Variants in LIPA observed in about 807,000 individuals in gnomAD.
The protein encoded by LIPA is lipase A, lysosomal acid type.
LIPA carries 26 observed loss-of-function variants against 40.6 expected under a neutral mutation model. That is an observed-to-expected ratio of 0.64 (90% CI 0.47 to 0.89). The LOEUF is 0.89. Among genes scored for constraint, LIPA ranks in the 40% least tolerant of loss-of-function variants. The pLI, the probability that LIPA is intolerant of heterozygous loss-of-function variation, is 0.00. For missense variants in LIPA, 455 were observed against 479.6 expected, an observed-to-expected ratio of 0.95 and a Z score of 0.48; for synonymous variants, 188 against 168.4, an observed-to-expected ratio of 1.12 and a Z score of -0.90.
chr10:89,221,718 G>GA (rs1424315935), intron 8 of LIPA, among the ~76,000 whole-genome samples: 1 of 152,086 alleles, frequency 6.6e-6, no homozygotes, highest in African/African-American at 2.4e-5. Flanking sequence ...ATTGTCAGGT[G>GA]AAAAAAGAAA....
chr10:89,404,144 C>T (rs749776654), intron 2 of LIPA: 1 of 153,418 alleles, frequency 6.5e-6, no homozygotes, highest in Non-Finnish European at 1.4e-5. Context: ...TCATTATATT[C>T]CCTCCCTTGC....
intron 1 of LIPA, among the ~76,000 whole-genome samples, chr10:89,311,249 G>A (rs764953421): frequency 2.0e-5 from 3 of 152,074 alleles, no homozygotes; most frequent in African/African-American, 7.2e-5. Context: ...CTGGCTGGGC[G>A]TGGTGGCTCA....
intron 1 of LIPA, among the ~76,000 whole-genome samples, chr10:89,269,163 A>G (rs1177275265): frequency 6.7e-6 from 1 of 149,372 alleles, no homozygotes; most frequent in African/African-American, 2.5e-5. Context: ...CGTCTCTACT[A>G]AAAAATACAA....
chr10:89,372,526 T>A (rs1248030608), intron 2 of LIPA, among the ~76,000 whole-genome samples: 1 of 152,258 alleles, frequency 6.6e-6, no homozygotes, highest in Non-Finnish European at 1.5e-5. Context: ...ATCTGTCTCC[T>A]GCTACATGAC....
chr10:89,378,179 C>G (rs765970465), intron 2 of LIPA: 49 of 1,610,882 alleles, frequency 3.0e-5, no homozygotes, highest in Admixed American at 5.0e-5. Flanking sequence ...TATTTCTGCA[C>G]ACTTTGAAAT....
chr10:89,361,057 C>T (rs1351561032), intron 2 of LIPA, among the ~76,000 whole-genome samples: 2 of 152,108 alleles, frequency 1.3e-5, no homozygotes, highest in African/African-American at 4.8e-5. Context: ...ATTGGGTTAG[C>T]GTCCTCCCAA....
At chr10:89,307,347 C>T (rs777023518) in intron 1 of LIPA, 2 of 1,604,614 alleles carry the variant, frequency 1.2e-6, no homozygotes, top group East Asian at 4.5e-5. Context: ...AGCCTCATCC[C>T]TTCAGCATCA....
At chr10:89,349,163 A>T (rs985556093) in intron 2 of LIPA, among the ~76,000 whole-genome samples, 10 of 152,202 alleles carry the variant, frequency 6.6e-5, no homozygotes, top group African/African-American at 2.2e-4. Flanking sequence ...AGGGAATCTT[A>T]TCAACCAGGA....
chr10:89,247,487 G>A, intron 2 of LIPA, 51 bp downstream of exon 2: 1 of 1,070,738 alleles, frequency 9.3e-7, no homozygotes, highest in Non-Finnish European at 1.4e-6. Flanking sequence ...TCACATAACT[G>A]GATCGGGGAA....
Position 89,376,187 on chromosome 10 carries a change from TAAAAAAAAAAAA to T in LIPA, c.61+36592_61+36603del, listed in dbSNP as rs66954730. ...TAGGTGATACAGCGAGACTCTATCT[TAAAAAAAAAAAA>T]AAAAAAAAAAGAAGAAGAAGTCAAG... On this transcript the variant is annotated intron_variant, in intron 2 of 8. Coordinates refer to the LIPA transcript ENST00000371837. Among the ~76,000 whole-genome samples, 24 of 102,530 alleles carry T rather than the reference TAAAAAAAAAAAA, an allele frequency of 2.3e-4. No individual in the cohort carries two copies. In the South Asian group the frequency reaches 8.8e-3, roughly 37 times the overall value. The allele number at this position is 102,530 out of a possible 152,430, so 67.3% of individuals were successfully genotyped here.
rs1173778270 is a variant in LIPA, at chr10:89,289,988, TA to T, written c.-1-42340del. On this transcript the variant is annotated intron_variant, in intron 1 of 5. Coordinates refer to the LIPA transcript ENST00000282673. Reference sequence around the variant, plus strand: ...GCTGAGGCCTTGACTTACTCACTGCTAAAAAAAAAGGGTGGGGGGGACTCTG... The same window carrying T: ...GCTGAGGCCTTGACTTACTCACTGCTAAAAAAAAGGGTGGGGGGGACTCTG... 2.8e-4 allele frequency among the ~76,000 whole-genome samples: 30 copies of T among 108,656 alleles called. No homozygotes were observed. The East Asian group carries it at 5.8e-3, about 21-fold the overall frequency. The allele number at this position is 108,656 out of a possible 152,430, so 71.3% of individuals were successfully genotyped here.
intron 1 of LIPA, among the ~76,000 whole-genome samples, chr10:89,319,905 G>C (rs1018475350): frequency 8.5e-5 from 13 of 152,128 alleles, no homozygotes; most frequent in Non-Finnish European, 1.8e-4. Context: ...ATGCAAGGCT[G>C]GTTCAACATA....
intron 3 of LIPA, among the ~76,000 whole-genome samples, chr10:89,229,901 C>T (rs1842820322): frequency 6.6e-6 from 1 of 152,054 alleles, no homozygotes; most frequent in Admixed American, 6.5e-5. Context: ...AATCTCTGTA[C>T]CTTCCACTCA....
chr10:89,384,611 A>G, intron 2 of LIPA: 1 of 1,614,206 alleles, frequency 6.2e-7, no homozygotes, highest in Non-Finnish European at 8.5e-7. Flanking sequence ...ATTCACCAGA[A>G]TGTACGGGTT....
intron 2 of LIPA, among the ~76,000 whole-genome samples, chr10:89,375,179 C>T (rs546343449): frequency 3.9e-5 from 6 of 152,202 alleles, no homozygotes; most frequent in African/African-American, 1.2e-4. Flanking sequence ...AACCCCATGA[C>T]GAAAGTCCTA....
At chr10:89,257,547 G>A (rs1047632448) in intron 1 of LIPA, among the ~76,000 whole-genome samples, 7 of 152,100 alleles carry the variant, frequency 4.6e-5, no homozygotes, top group Non-Finnish European at 4.4e-5. Flanking sequence ...AGTATGAAAC[G>A]ATAATTTCAG....
rs1323210717 is a variant in LIPA, at chr10:89,314,244, AT to A, written c.-2+28366del. On this transcript the variant is annotated intron_variant, in intron 1 of 5. Transcript: ENST00000282673. Reference sequence around the variant, plus strand: ...TGCTATGAAAATCTGGTCCCATCTGATTTTATATTTAAATACTCATACGCAG... The same window carrying A: ...TGCTATGAAAATCTGGTCCCATCTGATTTATATTTAAATACTCATACGCAG... 9.2e-5 allele frequency among the ~76,000 whole-genome samples: 14 copies of A among 152,332 alleles called. No individual in the cohort carries two copies. In the East Asian group the frequency reaches 2.5e-3, roughly 27 times the overall value.
intron 2 of LIPA, chr10:89,403,242 A>C: frequency 6.2e-7 from 1 of 1,614,218 alleles, no homozygotes; most frequent in Non-Finnish European, 8.5e-7. Flanking sequence ...CAAAATGATA[A>C]GATCAGCCAT....
At chr10:89,250,107 C>CTTTTTTTTTTTTTTTTTTTTTTTTTTTT (rs398038546) in intron 1 of LIPA, among the ~76,000 whole-genome samples, 10 of 96,076 alleles carry the variant, frequency 1.0e-4, no homozygotes, top group East Asian at 2.7e-4. Flanking sequence ...TCTTTTCTTT[C>CTTTTTTTTTTTTTTTTTTTTTTTTTTTT]TTTTTTTTTT....
Sources: allele counts gnomAD v4.1 joint callset (sites outside exome capture counted in the v4.1 genomes callset), GRCh38; gene constraint gnomAD v4.1.1; transcripts MANE v1.5; gene names NCBI Gene and HGNC (gene_info 2026-07-23, HGNC 2026-07-21).